ZNF804A: variants seen among roughly 807,000 people sequenced by gnomAD.
ZNF804A encodes the protein zinc finger protein 804A.
Under a neutral mutation model 16.5 loss-of-function variants are expected in ZNF804A, and 2 were observed. The ratio of observed to expected loss-of-function variants is 0.12; its 90% CI spans 0.05 to 0.38. ZNF804A has a LOEUF of 0.38. Ranked by LOEUF, ZNF804A falls within the 10% of genes least tolerant of loss-of-function variation. The pLI is 0.99. For synonymous variants in ZNF804A, 534 were observed against 489.6 expected, an observed-to-expected ratio of 1.09 and a Z score of -1.20; for missense variants, 1,473 against 1,390.7, an observed-to-expected ratio of 1.06 and a Z score of -0.94.
chr2:184,750,799 CTT>C (rs1693865727), intron 1 of ZNF804A, among the ~76,000 whole-genome samples: 2 of 151,232 alleles, frequency 1.3e-5, no homozygotes, highest in Non-Finnish European at 1.5e-5. Context: ...GTAACCAAAA[CTT>C]TGTCTTTTGC....
chr2:184,642,084 A>C (rs1691804078), intron 1 of ZNF804A, among the ~76,000 whole-genome samples: 1 of 152,134 alleles, frequency 6.6e-6, no homozygotes, highest in Non-Finnish European at 1.5e-5. Context: ...TTTCTCATTC[A>C]CATGGCTAAT....
chr2:184,739,461 G>A (rs1199165877), intron 1 of ZNF804A, among the ~76,000 whole-genome samples: 1 of 152,080 alleles, frequency 6.6e-6, no homozygotes, highest in Non-Finnish European at 1.5e-5. Flanking sequence ...TGGCACGGTC[G>A]TGGCTCACTG....
chr2:184,684,755 T>A (rs570125799), intron 1 of ZNF804A, among the ~76,000 whole-genome samples: 84 of 147,710 alleles, frequency 5.7e-4, no homozygotes, highest in Non-Finnish European at 1.1e-3. Flanking sequence ...ATTGTTCCCA[T>A]GCTTCTGTTA....
intron 1 of ZNF804A, among the ~76,000 whole-genome samples, chr2:184,704,536 A>G (rs114702410): frequency 0.029 from 4,464 of 152,260 alleles, 106 homozygotes; most frequent in Non-Finnish European, 0.044. Flanking sequence ...GTTCAAAGTT[A>G]TAGTTTAGGT....
chr2:184,845,947 CTGTATCTCTCTGAA>C (rs1695506521), intron 1 of ZNF804A, among the ~76,000 whole-genome samples: 1 of 152,108 alleles, frequency 6.6e-6, no homozygotes, highest in Admixed American at 6.6e-5. Context: ...TTCTTAGTTT[CTGTATCTCTCTGAA>C]TGTGATTGTT....
intron 1 of ZNF804A, among the ~76,000 whole-genome samples, chr2:184,770,034 A>G (rs956786185): frequency 2.6e-5 from 4 of 152,122 alleles, no homozygotes; most frequent in African/African-American, 7.2e-5. Context: ...TTTTAACTAG[A>G]TAAATAAGCT....
At chr2:184,691,129 A>AGGG (rs1692718678) in intron 1 of ZNF804A, among the ~76,000 whole-genome samples, 1 of 151,964 alleles carries the variant, frequency 6.6e-6, no homozygotes, top group African/African-American at 2.4e-5. Context: ...GGGCTTTTGA[A>AGGG]GGGATGATCA....
At chr2:184,641,670 A>G (rs1691798619) in intron 1 of ZNF804A, among the ~76,000 whole-genome samples, 1 of 152,224 alleles carries the variant, frequency 6.6e-6, no homozygotes, top group Non-Finnish European at 1.5e-5. Context: ...AAAAGAGCAC[A>G]TTCAATTGTT....
intron 1 of ZNF804A, among the ~76,000 whole-genome samples, chr2:184,831,458 A>T (rs1695261135): frequency 6.6e-6 from 1 of 152,060 alleles, no homozygotes; most frequent in African/African-American, 2.4e-5. Context: ...CTTTTGAAAA[A>T]CATTTCTTAA....
At chr2:184,850,490 T>C (rs1695585676) in intron 1 of ZNF804A, among the ~76,000 whole-genome samples, 1 of 151,900 alleles carries the variant, frequency 6.6e-6, no homozygotes, top group African/African-American at 2.4e-5. Flanking sequence ...GAATTTATTC[T>C]GTCTGGAAAT....
intron 1 of ZNF804A, among the ~76,000 whole-genome samples, chr2:184,693,620 A>G (rs1692768650): frequency 6.6e-6 from 1 of 152,218 alleles, no homozygotes; most frequent in Non-Finnish European, 1.5e-5. Flanking sequence ...CAGTCAATTT[A>G]TGCCTCAGAT....
At chr2:184,831,874 A>T (rs1412550366) in intron 1 of ZNF804A, among the ~76,000 whole-genome samples, 2 of 152,146 alleles carry the variant, frequency 1.3e-5, no homozygotes, top group East Asian at 3.9e-4. Context: ...AATGCCAGGA[A>T]TATAAATGGA....
chr2:184,906,305 G>A (rs1302769066), intron 2 of ZNF804A, among the ~76,000 whole-genome samples: 1 of 151,506 alleles, frequency 6.6e-6, no homozygotes, highest in Non-Finnish European at 1.5e-5. Context: ...TTTCTTTGTT[G>A]TTTGTTTGTT....
At chr2:184,765,278 C>T (rs547356193) in intron 1 of ZNF804A, among the ~76,000 whole-genome samples, 2 of 152,174 alleles carry the variant, frequency 1.3e-5, no homozygotes, top group African/African-American at 4.8e-5. Flanking sequence ...GAACGTGCTG[C>T]TAAGTCACAC....
chr2:184,810,283 T>C (rs559865882), intron 1 of ZNF804A, among the ~76,000 whole-genome samples: 1 of 152,272 alleles, frequency 6.6e-6, no homozygotes, highest in Non-Finnish European at 1.5e-5. Flanking sequence ...TAGGTGATGA[T>C]CATATCCGGT....
chr2:184,763,153 T>A (rs1694065133), intron 1 of ZNF804A, among the ~76,000 whole-genome samples: 1 of 152,250 alleles, frequency 6.6e-6, no homozygotes, highest in East Asian at 1.9e-4. Context: ...ACAGGATGAA[T>A]CGTGTCCCCA....
intron 1 of ZNF804A, among the ~76,000 whole-genome samples, chr2:184,681,813 C>A (rs1304492743): frequency 2.6e-5 from 4 of 152,342 alleles, no homozygotes; most frequent in South Asian, 2.1e-4. Context: ...TGCAGCTGCC[C>A]AGATGTGGCT....
chr2:184,730,082 T>C (rs1353852922), intron 1 of ZNF804A, among the ~76,000 whole-genome samples: 1 of 152,156 alleles, frequency 6.6e-6, no homozygotes, highest in Admixed American at 6.5e-5. Flanking sequence ...CCTTAAGAGA[T>C]TATTTTGGTA....
At chr2:184,699,501 T>C (rs1427743756) in intron 1 of ZNF804A, among the ~76,000 whole-genome samples, 1 of 152,094 alleles carries the variant, frequency 6.6e-6, no homozygotes, top group Non-Finnish European at 1.5e-5. Context: ...ATACCTTCAT[T>C]GTCAATGTGG....
Sources: gnomAD v4.1 joint callset for allele counts (sites outside exome capture counted in the v4.1 genomes callset) on GRCh38, gnomAD v4.1.1 for gene constraint, MANE v1.5 for transcripts, NCBI Gene and HGNC (gene_info 2026-07-23, HGNC 2026-07-21) for gene names.